Variants in CADM1 observed in about 807,000 individuals in gnomAD.
The protein encoded by CADM1 is TSLC-1.
In CADM1, 15 loss-of-function variants were observed where a neutral mutation model predicts 53.1. The observed-to-expected ratio is 0.28, with a 90% CI of 0.19 to 0.44. CADM1 has a LOEUF of 0.44. CADM1 is among the 20% of genes least tolerant of loss of function. CADM1 has a pLI of 1.00. For synonymous variants in CADM1, 281 were observed against 243.0 expected (o/e 1.16, Z -1.45); for missense variants, 434 against 611.3 (o/e 0.71, Z 3.06).
At chr11:115,343,719 T>TA (rs11406684) in intron 1 of CADM1, among the ~76,000 whole-genome samples, 62,379 of 137,744 alleles carry the variant, frequency 0.45, 14,787 homozygotes, top group Non-Finnish European at 0.57. Context: ...ATACAGATTG[T>TA]AAAAAAAAAA....
At chr11:115,369,356 C>T (rs532508752) in intron 1 of CADM1, among the ~76,000 whole-genome samples, 1 of 152,206 alleles carries the variant, frequency 6.6e-6, no homozygotes, top group East Asian at 1.9e-4. Context: ...TCCTAGGATT[C>T]TATGGGAGTG....
At chr11:115,315,089 A>C (rs149054288) in intron 1 of CADM1, among the ~76,000 whole-genome samples, 1 of 152,164 alleles carries the variant, frequency 6.6e-6, no homozygotes, top group African/African-American at 2.4e-5. Flanking sequence ...GCTTTGAATC[A>C]TTTCAAAGTA....
At chr11:115,469,804 TG>T (rs1948973567) in intron 1 of CADM1, among the ~76,000 whole-genome samples, 1 of 151,446 alleles carries the variant, frequency 6.6e-6, no homozygotes, top group South Asian at 2.1e-4. Flanking sequence ...CCCGAGAAGC[TG>T]GGATTACAGG....
chr11:115,320,204 A>G (rs898388375), intron 1 of CADM1, among the ~76,000 whole-genome samples: 4 of 152,090 alleles, frequency 2.6e-5, no homozygotes, highest in African/African-American at 7.2e-5. Context: ...CTGGGAGTAC[A>G]TGCCACCATG....
Position 115,231,365 on chromosome 11 carries a change from T to A in CADM1, c.550A>T (p.Thr184Ser), listed in dbSNP as rs1186764175. ...ATCTGCAGCTTACCTTTTAGCTCTG[T>A]GTTCCCTTTGAACCACCTGATAGTC... ...ATTIRWFKGN[T>S]ELKGKSEVEE... The change falls in exon 4 of 12, where the codon ACA becomes TCA. Residue 184 changes from threonine (T) to serine (S), a missense_variant. Thr to Ser is a moderately conservative substitution (Grantham distance 58). Transcript: ENST00000331581. The A allele has an allele frequency of 1.9e-6, 3 of 1,614,078 alleles. No homozygotes were observed. The highest frequency in any genetic ancestry group is 3.3e-5 in the Admixed American group (2 of 60,010).
At chr11:115,257,991 G>A (rs1002078336) in intron 1 of CADM1, among the ~76,000 whole-genome samples, 8 of 152,172 alleles carry the variant, frequency 5.3e-5, no homozygotes, top group South Asian at 2.1e-4. Context: ...ATTGGCATAC[G>A]TAATCTAATT....
At chr11:115,261,890 C>T (rs1173516754) in intron 1 of CADM1, among the ~76,000 whole-genome samples, 2 of 151,930 alleles carry the variant, frequency 1.3e-5, no homozygotes, top group Non-Finnish European at 2.9e-5. Flanking sequence ...AGCAATTCTC[C>T]TGCCTCAGCC....
chr11:115,499,455 A>T (rs1949687176), intron 1 of CADM1, among the ~76,000 whole-genome samples: 1 of 152,196 alleles, frequency 6.6e-6, no homozygotes, highest in African/African-American at 2.4e-5. Context: ...ATTACCAAGA[A>T]CTGGTCCTTT....
intron 1 of CADM1, among the ~76,000 whole-genome samples, chr11:115,358,464 T>A (rs1192175512): frequency 6.6e-6 from 1 of 152,066 alleles, no homozygotes; most frequent in Non-Finnish European, 1.5e-5. Flanking sequence ...AACCATCAGA[T>A]CTTGTGAGAC....
chr11:115,435,465 G>A (rs1283403103), intron 1 of CADM1, among the ~76,000 whole-genome samples: 8 of 152,074 alleles, frequency 5.3e-5, no homozygotes, highest in African/African-American at 1.9e-4. Flanking sequence ...GGGCGTGGTG[G>A]CTCACTCCTG....
chr11:115,328,690 G>A (rs1261913503), intron 1 of CADM1, among the ~76,000 whole-genome samples: 1 of 26,652 alleles, frequency 3.8e-5, no homozygotes, highest in African/African-American at 2.6e-4. Flanking sequence ...GTATATATAT[G>A]TGTATATATA....
intron 6 of CADM1, among the ~76,000 whole-genome samples, chr11:115,216,015 A>G (rs948383330): frequency 6.6e-6 from 1 of 152,262 alleles, no homozygotes; most frequent in African/African-American, 2.4e-5. Flanking sequence ...TTTAAAAATT[A>G]GTACTGCATA....
intron 1 of CADM1, among the ~76,000 whole-genome samples, chr11:115,246,183 T>C (rs1453003839): frequency 6.6e-6 from 1 of 152,192 alleles, no homozygotes; most frequent in Non-Finnish European, 1.5e-5. Context: ...AATATCAACC[T>C]GCATGAATAC....
intron 1 of CADM1, among the ~76,000 whole-genome samples, chr11:115,307,737 G>A (rs1944415708): frequency 6.6e-6 from 1 of 151,822 alleles, no homozygotes; most frequent in Non-Finnish European, 1.5e-5. Flanking sequence ...AAAATTTTAA[G>A]AGAGGATTAC....
At chr11:115,249,249 T>A (rs1274351325) in intron 1 of CADM1, among the ~76,000 whole-genome samples, 1 of 152,242 alleles carries the variant, frequency 6.6e-6, no homozygotes, top group East Asian at 1.9e-4. Context: ...GCTAATGAAC[T>A]TATAATATGA....
chr11:115,242,207 C>G (rs560040768), intron 1 of CADM1, among the ~76,000 whole-genome samples: 123 of 152,056 alleles, frequency 8.1e-4, no homozygotes, highest in African/African-American at 2.8e-3. Context: ...AGGGAATTAA[C>G]CCAGGTGTGA....
chr11:115,196,422 T>C (rs886322481), intron 9 of CADM1, among the ~76,000 whole-genome samples: 7 of 152,044 alleles, frequency 4.6e-5, no homozygotes, highest in Non-Finnish European at 8.8e-5. Context: ...AATAGAATTC[T>C]GGAGCTTTAG....
At chr11:115,328,661 G>A (rs535502123) in intron 1 of CADM1, among the ~76,000 whole-genome samples, 49 of 62,242 alleles carry the variant, frequency 7.9e-4, no homozygotes, top group South Asian at 2.4e-3. Context: ...ATATACACAC[G>A]CACACTATAT....
chr11:115,240,281 G>A lies in CADM1; in HGVS notation c.264C>T (p.Asp88=). Residue 88 remains aspartate, a synonymous_variant, in exon 2 of 12, where the codon GAC becomes GAT. Transcript: ENST00000331581. ...ATAGAGATGGAAACTTACGCCTGAA[G>A]TCCCTGAAATAAATGGTCTGCCTGT... ...NPNRQTIYFR[D]FRPLKDSRFQ... 3.1e-6 allele frequency: 5 copies of A among 1,613,608 alleles called. No homozygotes were observed. The highest frequency in any genetic ancestry group is 1.3e-5 in the African/African-American group (1 of 75,002).
Sources: allele counts gnomAD v4.1 joint callset (sites outside exome capture counted in the v4.1 genomes callset), GRCh38; gene constraint gnomAD v4.1.1; transcripts MANE v1.5; gene names NCBI Gene and HGNC (gene_info 2026-07-23, HGNC 2026-07-21).